Variants in ZFHX3 observed in about 807,000 individuals in gnomAD.
The protein encoded by ZFHX3 is zinc finger homeobox protein 3.
In ZFHX3, 42 loss-of-function variants were observed where a neutral mutation model predicts 279.1. That is an observed-to-expected ratio of 0.15 (90% CI 0.12 to 0.19). ZFHX3 has a LOEUF of 0.19. Ranked by LOEUF, ZFHX3 falls within the 10% of genes least tolerant of loss-of-function variation. The pLI is 1.00. For missense variants in ZFHX3, 4,981 were observed against 4,754.0 expected (o/e 1.05, Z -1.40); for synonymous variants, 2,293 against 1,957.8 (o/e 1.17, Z -4.52).
chr16:73,240,416 C>G (rs6499624), intron 5 of ZFHX3, among the ~76,000 whole-genome samples: 26,314 of 151,750 alleles, frequency 0.17, 3,784 homozygotes, highest in East Asian at 0.44. Context: ...ACAGGGTTTC[C>G]CCATGTTCGC....
intron 4 of ZFHX3, among the ~76,000 whole-genome samples, chr16:72,878,203 CA>C (rs113457847): frequency 6.6e-6 from 1 of 151,540 alleles, no homozygotes; most frequent in Non-Finnish European, 1.5e-5. Context: ...AAAACAAAAA[CA>C]AAAAAACAAA....
intron 3 of ZFHX3, among the ~76,000 whole-genome samples, chr16:73,371,696 A>G (rs1309832447): frequency 6.6e-6 from 1 of 152,168 alleles, no homozygotes; most frequent in South Asian, 2.1e-4. Flanking sequence ...GCTTTCCTTT[A>G]TCATGCTTCC....
chr16:73,265,484 G>GT (rs1006964593), intron 4 of ZFHX3, among the ~76,000 whole-genome samples: 5 of 152,106 alleles, frequency 3.3e-5, no homozygotes, highest in Admixed American at 1.3e-4. Context: ...TTTTTTGTTT[G>GT]TTTTTTGTGA....
chr16:73,695,918 A>T (rs903095334), intron 1 of ZFHX3, among the ~76,000 whole-genome samples: 8 of 152,188 alleles, frequency 5.3e-5, no homozygotes, highest in Non-Finnish European at 1.5e-5. Context: ...AAGCAGATGT[A>T]GGAGCAACAA....
chr16:72,896,359 G>T (rs771748121), intron 3 of ZFHX3, among the ~76,000 whole-genome samples: 2 of 152,084 alleles, frequency 1.3e-5, no homozygotes, highest in Admixed American at 6.6e-5. Context: ...AACATCTCAC[G>T]GCCCCCATCT....
intron 1 of ZFHX3, among the ~76,000 whole-genome samples, chr16:73,775,037 TC>T (rs35173902): frequency 0.09 from 13,696 of 152,064 alleles, 1,021 homozygotes; most frequent in East Asian, 0.38. Context: ...CCTGCTTCCA[TC>T]CCCGCCTCTT....
chr16:72,833,452 A>T (rs2037114203), intron 4 of ZFHX3, among the ~76,000 whole-genome samples: 1 of 152,194 alleles, frequency 6.6e-6, no homozygotes, highest in Non-Finnish European at 1.5e-5. Flanking sequence ...AGATGGTGGG[A>T]ACAAGTGAAG....
chr16:73,397,909 A>G (rs1188371256), intron 3 of ZFHX3, among the ~76,000 whole-genome samples: 2 of 152,106 alleles, frequency 1.3e-5, no homozygotes, highest in African/African-American at 4.8e-5. Flanking sequence ...CAATGGCGCA[A>G]TCTTGGCTCA....
chr16:73,062,444 G>A (rs1479746664), upstream of ZFHX3: 3 of 152,178 alleles, frequency 2.0e-5, no homozygotes, highest in Non-Finnish European at 4.4e-5. Flanking sequence ...TGTGTTTCCA[G>A]ATCTGTTTGA....
intron 3 of ZFHX3, among the ~76,000 whole-genome samples, chr16:73,427,331 G>A: frequency 6.6e-6 from 1 of 152,044 alleles, no homozygotes; most frequent in Admixed American, 6.6e-5. Flanking sequence ...TCATTCTGGG[G>A]CCCTCATTCC....
intron 5 of ZFHX3, among the ~76,000 whole-genome samples, chr16:73,182,899 GA>G (rs1259570463): frequency 8.4e-5 from 12 of 142,680 alleles, no homozygotes; most frequent in African/African-American, 3.1e-4. Flanking sequence ...CGGGAGGGGG[GA>G]GGGGTGAAAA....
chr16:73,656,191 A>G (rs2052719360), intron 2 of ZFHX3, among the ~76,000 whole-genome samples: 1 of 152,234 alleles, frequency 6.6e-6, no homozygotes, highest in Non-Finnish European at 1.5e-5. Context: ...TCAAGCTGCG[A>G]TAGCAGAACT....
At chr16:73,535,811 C>A (rs1373785632) in intron 2 of ZFHX3, among the ~76,000 whole-genome samples, 1 of 148,524 alleles carries the variant, frequency 6.7e-6, no homozygotes, top group Admixed American at 6.7e-5. Flanking sequence ...CAACCTCCAC[C>A]TCCTGGGCTC....
rs199521581 is a variant in ZFHX3, at chr16:72,959,832, G to A, written c.314C>T (p.Pro105Leu). The change falls in exon 2 of 10, where the codon CCG becomes CTG. Residue 105 changes from proline to leucine, a missense_variant. Physicochemically the swap from Pro to Leu is moderately conservative, Grantham distance 98. Around this residue, in one of 7 missense-constraint regions of ZFHX3, gnomAD observed 1,068 missense variants for 935.2 expected, o/e 1.14. Transcript: ENST00000268489. ...GGCGCTCTCCTCTCTCAGGGGTGGC[G>A]GGGGGCGCGCGCTGGGGCAGTGGTG... ...MEHHCPSARP[P>L]PPLREESASD... 197 of 1,593,102 alleles carry A rather than the reference G, an allele frequency of 1.2e-4. No homozygotes were observed. The East Asian group carries it at 1.4e-3, about 11-fold the overall frequency.
chr16:73,625,633 G>C (rs1195048458), intron 2 of ZFHX3, among the ~76,000 whole-genome samples: 1 of 152,186 alleles, frequency 6.6e-6, no homozygotes, highest in African/African-American at 2.4e-5. Flanking sequence ...GTGAAAAGGA[G>C]GCAAGCCTCA....
intron 2 of ZFHX3, chr16:73,499,265 C>G (rs957670183): frequency 6.6e-6 from 1 of 152,176 alleles, no homozygotes; most frequent in African/African-American, 2.4e-5. Context: ...GGGGCATTTC[C>G]TTCAGCGCCA....
chr16:73,093,648 C>G (rs1231979273), intron 7 of ZFHX3: 3 of 476,234 alleles, frequency 6.3e-6, no homozygotes, highest in Non-Finnish European at 1.3e-5. Flanking sequence ...CCTCTCCCCA[C>G]AGAATACAGT....
intron 4 of ZFHX3, among the ~76,000 whole-genome samples, chr16:72,880,826 T>C (rs963646303): frequency 2.0e-5 from 3 of 152,118 alleles, no homozygotes; most frequent in African/African-American, 7.2e-5. Context: ...TAAAAACCCA[T>C]TTAACATCCA....
intron 3 of ZFHX3, among the ~76,000 whole-genome samples, chr16:73,376,125 A>G (rs1261979033): frequency 2.0e-5 from 3 of 152,232 alleles, no homozygotes; most frequent in Non-Finnish European, 4.4e-5. Flanking sequence ...AAGATAAGTT[A>G]TAGCTTACTC....
Sources: allele counts gnomAD v4.1 joint callset (sites outside exome capture counted in the v4.1 genomes callset), GRCh38; gene constraint gnomAD v4.1.1; regional missense constraint gnomAD v4.1.1; transcripts MANE v1.5; gene names NCBI Gene and HGNC (gene_info 2026-07-23, HGNC 2026-07-21).